The following RGS7 variants were observed in gnomAD, a reference collection of about 807,000 sequenced individuals.
RGS7 encodes regulator of G protein signaling 7.
In RGS7, 27 loss-of-function variants were observed where a neutral mutation model predicts 81.1. That is an observed-to-expected ratio of 0.33 (90% CI 0.25 to 0.46). The LOEUF is 0.46. Ranked by LOEUF, RGS7 falls within the 20% of genes least tolerant of loss-of-function variation. The pLI is 1.00. For missense variants in RGS7, 396 were observed against 607.4 expected (o/e 0.65, Z 3.66); for synonymous variants, 208 against 207.7 (o/e 1.00, Z -0.01).
intron 18 of RGS7, among the ~76,000 whole-genome samples, chr1:240,779,618 G>A (rs1572037546): frequency 6.6e-6 from 1 of 152,140 alleles, no homozygotes; most frequent in Non-Finnish European, 1.5e-5. Flanking sequence ...AACTGTGAGA[G>A]ATAAATTTAT....
chr1:240,806,256 A>C lies in RGS7; in HGVS notation c.1153T>G (p.Trp385Gly). The change falls in exon 15 of 19, where the codon TGG (tryptophan) becomes GGG (glycine). Residue 385 changes from tryptophan (W) to glycine (G), a missense_variant. By Grantham distance (184) the Trp-to-Gly change is radical. Coordinates refer to ENST00000440928, the MANE Select transcript of RGS7 (RefSeq NM_001364886.1). ...GCTCCGGGAGCCAGAAACTCTTGCC[A>C]TATTTCCTGAACTCTTGAGGGTACT... ...KEVPSRVQEI[W>G]QEFLAPGAPS... 6.2e-7 allele frequency: 1 copy of C among 1,614,032 alleles called. No homozygotes were observed. The highest frequency in any genetic ancestry group is 1.3e-5 in the African/African-American group (1 of 75,000).
chr1:241,128,253 G>T (rs1021503251), intron 2 of RGS7, among the ~76,000 whole-genome samples: 1 of 148,888 alleles, frequency 6.7e-6, no homozygotes, highest in Non-Finnish European at 1.5e-5. Context: ...CTCCAGCCTG[G>T]GCCACAGAGC....
intron 18 of RGS7, among the ~76,000 whole-genome samples, chr1:240,777,715 G>T (rs1277779383): frequency 6.6e-6 from 1 of 152,200 alleles, no homozygotes; most frequent in Non-Finnish European, 1.5e-5. Flanking sequence ...CATCAATGGT[G>T]CATTCTCGTT....
intron 2 of RGS7, among the ~76,000 whole-genome samples, chr1:241,330,175 G>A (rs987957770): frequency 4.6e-5 from 7 of 152,128 alleles, no homozygotes; most frequent in East Asian, 1.9e-4. Flanking sequence ...TCCTGACCTC[G>A]TGATCCACCC....
At chr1:241,230,078 C>T (rs575868841) in intron 2 of RGS7, among the ~76,000 whole-genome samples, 15 of 149,612 alleles carry the variant, frequency 1.0e-4, no homozygotes, top group Middle Eastern at 3.4e-3. Flanking sequence ...TTTTTTTTTT[C>T]ACTGAATAAT....
intron 3 of RGS7, among the ~76,000 whole-genome samples, chr1:241,064,297 C>T (rs1325480194): frequency 6.6e-6 from 1 of 151,130 alleles, no homozygotes; most frequent in African/African-American, 2.4e-5. Context: ...ATTTAAAATG[C>T]AGATTCTGCT....
At chr1:240,930,859 C>T (rs898708732) in intron 5 of RGS7, 91 bp from the exon 6 acceptor site, 304 of 1,209,834 alleles carry the variant, frequency 2.5e-4, no homozygotes, top group Non-Finnish European at 2.7e-4. Flanking sequence ...TTCCACAATT[C>T]TCTATATTAG....
At chr1:240,970,909 G>T (rs1404167009) in intron 4 of RGS7, among the ~76,000 whole-genome samples, 1 of 152,086 alleles carries the variant, frequency 6.6e-6, no homozygotes, top group African/African-American at 2.4e-5. Flanking sequence ...AACCCGGGGG[G>T]CAGAGGTTGC....
chr1:241,320,318 T>C (rs548389904), intron 2 of RGS7, among the ~76,000 whole-genome samples: 72 of 152,188 alleles, frequency 4.7e-4, no homozygotes, highest in Non-Finnish European at 9.1e-4. Flanking sequence ...AGTTCTCCAC[T>C]ACAATATAAA....
intron 4 of RGS7, among the ~76,000 whole-genome samples, chr1:240,970,591 G>A (rs1365045547): frequency 2.0e-5 from 3 of 152,224 alleles, no homozygotes; most frequent in African/African-American, 4.8e-5. Context: ...TTGAATGGCA[G>A]ACATCACAGA....
intron 18 of RGS7, among the ~76,000 whole-genome samples, chr1:240,779,480 G>A (rs1683600068): frequency 6.9e-6 from 1 of 145,860 alleles, no homozygotes; most frequent in Non-Finnish European, 1.5e-5. Flanking sequence ...AGAGGCCGAA[G>A]GAAGCTTGTT....
intron 2 of RGS7, among the ~76,000 whole-genome samples, chr1:241,243,818 C>T (rs774511387): frequency 2.6e-5 from 4 of 152,160 alleles, no homozygotes; most frequent in Non-Finnish European, 5.9e-5. Context: ...CTGGAGCATC[C>T]AGCAGAGAAA....
intron 2 of RGS7, among the ~76,000 whole-genome samples, chr1:241,171,308 T>C (rs1214572836): frequency 6.6e-6 from 1 of 152,168 alleles, no homozygotes; most frequent in Non-Finnish European, 1.5e-5. Context: ...TAGTTGATAG[T>C]GGTCTCTAAA....
chr1:240,969,279 C>T (rs1385257624), intron 4 of RGS7, among the ~76,000 whole-genome samples: 2 of 152,062 alleles, frequency 1.3e-5, no homozygotes, highest in African/African-American at 2.4e-5. Context: ...CACATATATG[C>T]AGAAAGGAAA....
At chr1:241,234,977 T>G (rs2075849904) in intron 2 of RGS7, among the ~76,000 whole-genome samples, 1 of 152,230 alleles carries the variant, frequency 6.6e-6, no homozygotes, top group Non-Finnish European at 1.5e-5. Flanking sequence ...CAATTTGGCC[T>G]TCAAAGGCCT....
Position 241,329,304 on chromosome 1 carries a change from T to C in RGS7, c.78+26395A>G, listed in dbSNP as rs570986670. On this transcript the variant is annotated intron_variant, in intron 2 of 18. Coordinates refer to ENST00000440928, the MANE Select transcript of RGS7 (RefSeq NM_001364886.1). ...TATTTACTTTGACAGGATACAAAGATACTATCATTAGAAAAGTGAGAAAAG... is the reference window on the plus strand; with the variant it reads ...TATTTACTTTGACAGGATACAAAGACACTATCATTAGAAAAGTGAGAAAAG... Among the ~76,000 whole-genome samples the C allele has an allele frequency of 1.4e-3, 215 of 152,340 alleles. 11 individuals carry two copies. In the South Asian group the frequency reaches 0.043, roughly 30 times the overall value.
chr1:241,263,133 C>T (rs960668938), intron 2 of RGS7, among the ~76,000 whole-genome samples: 6 of 151,610 alleles, frequency 4.0e-5, no homozygotes, highest in Admixed American at 6.6e-5. Context: ...AAAAATTAGC[C>T]GGGCATGGTG....
At chr1:241,306,408 C>T (rs2080140248) in intron 2 of RGS7, among the ~76,000 whole-genome samples, 1 of 150,936 alleles carries the variant, frequency 6.6e-6, no homozygotes, top group Non-Finnish European at 1.5e-5. Context: ...CACACCCTCA[C>T]ATGCACACAC....
intron 3 of RGS7, among the ~76,000 whole-genome samples, chr1:241,017,328 C>T (rs1425192956): frequency 1.3e-5 from 2 of 151,698 alleles, no homozygotes; most frequent in Non-Finnish European, 2.9e-5. Flanking sequence ...GTAATTCCAG[C>T]TACCAGGGAG....
Sources: allele counts gnomAD v4.1 joint callset (sites outside exome capture counted in the v4.1 genomes callset), GRCh38; gene constraint gnomAD v4.1.1; transcripts MANE v1.5; gene names NCBI Gene and HGNC (gene_info 2026-07-23, HGNC 2026-07-21).